Variants in ZNF831 observed in about 807,000 individuals in gnomAD.
ZNF831 encodes the protein chromosome 20 open reading frame 174.
ZNF831 carries 59 observed loss-of-function variants against 95.8 expected under a neutral mutation model. The observed-to-expected ratio is 0.62, with a 90% CI of 0.50 to 0.77. The LOEUF (loss-of-function observed/expected upper bound fraction) is 0.77, where lower values mean the gene tolerates loss of function less well. Ranked by LOEUF, ZNF831 falls within the 30% of genes least tolerant of loss-of-function variation. ZNF831 has a pLI of 0.00. For missense variants in ZNF831, 2,205 were observed against 2,164.0 expected, an observed-to-expected ratio of 1.02 and a Z score of -0.38; for synonymous variants, 961 against 925.5, an observed-to-expected ratio of 1.04 and a Z score of -0.70.
At chr20:59,150,622 A>G (rs1980174915) in intron 2 of ZNF831, among the ~76,000 whole-genome samples, 1 of 152,182 alleles carries the variant, frequency 6.6e-6, no homozygotes, top group Non-Finnish European at 1.5e-5. Context: ...CGTTGAGGCA[A>G]ACTTCTCCAT....
chr20:59,168,275 T>C (rs1981443027), intron 1 of ZNF831, among the ~76,000 whole-genome samples: 1 of 152,226 alleles, frequency 6.6e-6, no homozygotes, highest in Non-Finnish European at 1.5e-5. Flanking sequence ...TCATCAGTGT[T>C]TTGTAGTTTT....
intron 1 of ZNF831, among the ~76,000 whole-genome samples, chr20:59,167,627 A>G (rs893855580): frequency 2.0e-5 from 3 of 151,948 alleles, no homozygotes; most frequent in Non-Finnish European, 4.4e-5. Context: ...GTTAATTTCT[A>G]TATAAGTAAG....
rs1979984093 is a variant in ZNF831, at chr20:59,148,220, T to C, written c.-1281+1846T>C. 2.0e-5 allele frequency among the ~76,000 whole-genome samples: 3 copies of C among 152,030 alleles called. No homozygotes were observed. The South Asian group carries it at 6.2e-4, about 31-fold the overall frequency. ...CCATCCAAGACAGGGACACGGACAA[T>C]CTCATCAGAGTAGGCTGGGAGGGTT... On this transcript the variant is annotated intron_variant, in intron 2 of 7. Transcript: ENST00000637017.
At chr20:59,185,635 C>T (rs919998408) in intron 1 of ZNF831, among the ~76,000 whole-genome samples, 2 of 152,166 alleles carry the variant, frequency 1.3e-5, no homozygotes, top group African/African-American at 4.8e-5. Context: ...GCAGCGAGAG[C>T]TCTGCGTGTG....
At chr20:59,154,032 A>T (rs1980395417) in intron 2 of ZNF831, among the ~76,000 whole-genome samples, 1 of 152,130 alleles carries the variant, frequency 6.6e-6, no homozygotes, top group African/African-American at 2.4e-5. Flanking sequence ...TTCACAGAGG[A>T]TGCTAGAAAG....
chr20:59,195,996 A>G lies in ZNF831; in HGVS notation c.3866A>G (p.Asn1289Ser). The change falls in exon 3 of 6, where the codon AAC (asparagine) becomes AGC (serine). Residue 1289 changes from asparagine (N) to serine (S), a missense_variant. Coordinates refer to ENST00000371030, the MANE Select transcript of ZNF831 (RefSeq NM_178457.3). The stretch of plus-strand genomic sequence containing the variant: ...AGCAAGCAGAGAAAACTGAAGATCA[A>G]CCCTAAAAGGTAGGATGAGTGGCCA... ...GNSKQRKLKI[N>S]PKRYKGNFLQ... The G allele has an allele frequency of 5.0e-6, 8 of 1,613,880 alleles. No individual in the cohort carries two copies. Among genetic ancestry groups the G allele is most frequent in the East Asian group, 2.2e-5 (1 of 44,876 alleles).
intron 4 of ZNF831, among the ~76,000 whole-genome samples, chr20:59,211,607 G>A (rs953234878): frequency 6.6e-6 from 1 of 152,216 alleles, no homozygotes; most frequent in Non-Finnish European, 1.5e-5. Flanking sequence ...ACAGTAGAGT[G>A]ACAGGCACTC....
chr20:59,213,880 G>A (rs981606986), intron 4 of ZNF831, among the ~76,000 whole-genome samples: 3 of 152,258 alleles, frequency 2.0e-5, no homozygotes, highest in African/African-American at 4.8e-5. Flanking sequence ...ACCGAACTGC[G>A]AATGTCCTTT....
chr20:59,176,397 T>G (rs989917694), intron 1 of ZNF831, among the ~76,000 whole-genome samples: 1 of 152,172 alleles, frequency 6.6e-6, no homozygotes, highest in African/African-American at 2.4e-5. Flanking sequence ...GTTACACGAC[T>G]GTATTTACTT....
chr20:59,170,124 A>T lies in ZNF831; in HGVS notation c.-37+5917A>T, dbSNP rs367919336. Reference sequence around the variant, plus strand: ...TCCCTCTTTTTCTTTTTCTTTTTAAACAATTAATAGCAGTTTATTTTAAAA... The same window carrying T: ...TCCCTCTTTTTCTTTTTCTTTTTAATCAATTAATAGCAGTTTATTTTAAAA... On this transcript the variant is annotated intron_variant, in intron 1 of 5. Coordinates refer to ENST00000371030, the MANE Select transcript of ZNF831 (RefSeq NM_178457.3). 2.3e-4 allele frequency among the ~76,000 whole-genome samples: 35 copies of T among 152,166 alleles called. 1 individual carries two copies. In the South Asian group the frequency reaches 7.1e-3, roughly 31 times the overall value.
In ZNF831 at chr20:59,191,875, G is replaced by GCGT; in HGVS notation, c.858_860dup (p.Ser287dup). On this transcript the variant is annotated inframe_insertion, in exon 2 of 6. Coordinates refer to ENST00000371030, the MANE Select transcript of ZNF831 (RefSeq NM_178457.3). ...GGCTCCTTGGGACTCTGCCCCCATGGCGTCACCTGGGCTCCCAGCGGCCAG... is the reference window on the plus strand; with the variant it reads ...GGCTCCTTGGGACTCTGCCCCCATGGCGTCGTCACCTGGGCTCCCAGCGGCCAG... The GCGT allele has an allele frequency of 1.2e-6, 2 of 1,613,018 alleles. No homozygotes were observed. Among genetic ancestry groups the GCGT allele is most frequent in the Non-Finnish European group, 1.7e-6 (2 of 1,179,954 alleles).
intron 4 of ZNF831, among the ~76,000 whole-genome samples, chr20:59,245,136 G>A (rs928177952): frequency 2.6e-5 from 4 of 152,304 alleles, no homozygotes; most frequent in East Asian, 1.9e-4. Flanking sequence ...AGTGGGCGGC[G>A]CATGTGAGTT....
chr20:59,160,625 G>A (rs534035415), upstream of ZNF831: 2 of 152,414 alleles, frequency 1.3e-5, no homozygotes, highest in South Asian at 4.1e-4. Context: ...AGGGCCCAGG[G>A]ACTGAACTGC....
chr20:59,156,271 G>A (rs1047014985), intron 2 of ZNF831, among the ~76,000 whole-genome samples: 2 of 152,134 alleles, frequency 1.3e-5, no homozygotes, highest in African/African-American at 2.4e-5. Flanking sequence ...AATGGCTCCC[G>A]CCTGTAATCC....
chr20:59,127,129 G>A (rs939759904), intron 1 of ZNF831, among the ~76,000 whole-genome samples: 1 of 17,018 alleles, frequency 5.9e-5, no homozygotes, highest in African/African-American at 1.0e-4. Flanking sequence ...CAAAACTCTC[G>A]GAGGATCCTT....
intron 1 of ZNF831, among the ~76,000 whole-genome samples, chr20:59,125,598 T>A (rs1350548102): frequency 6.6e-6 from 1 of 152,164 alleles, no homozygotes; most frequent in Non-Finnish European, 1.5e-5. Context: ...CTGGGTTCAA[T>A]TTTTTCTCGA....
Position 59,192,488 on chromosome 20 carries a change from C to T in ZNF831, c.1469C>T (p.Thr490Ile). Residue 490 changes from threonine (T) to isoleucine (I), a missense_variant, in exon 2 of 6, where the codon ACT (threonine) becomes ATT (isoleucine). Coordinates refer to ENST00000371030, the MANE Select transcript of ZNF831 (RefSeq NM_178457.3). This position sits in a 1 kb window ranked among gnomAD's most constrained non-coding sequence, Gnocchi z 5.2. ...CCCCTCTTCTTCCACTCCGTCCCCA[C>T]TCAGCTCTCCACCACCGTGGAATGT... Reference protein sequence around the residue: ...SRPLFFHSVPTQLSTTVECVP... With the variant: ...SRPLFFHSVPIQLSTTVECVP... 6.3e-7 allele frequency: 1 copy of T among 1,575,216 alleles called. No homozygotes were observed. Among genetic ancestry groups the T allele is most frequent in the Non-Finnish European group, 8.6e-7 (1 of 1,161,662 alleles).
At position 59,233,956 on chromosome 20, in the gene ZNF831, C is replaced by A. The variant is rs550320214; in HGVS notation, c.4028-19022C>A. ...TCGAAAGGAATAGAAGAGAAAACAACCCCGATGGGCCATCCTCTCCTGTCT... is the reference window on the plus strand; with the variant it reads ...TCGAAAGGAATAGAAGAGAAAACAAACCCGATGGGCCATCCTCTCCTGTCT... On this transcript the variant is annotated intron_variant, in intron 4 of 5. Coordinates refer to ENST00000371030, the MANE Select transcript of ZNF831 (RefSeq NM_178457.3). 1.2e-3 allele frequency among the ~76,000 whole-genome samples: 176 copies of A among 152,330 alleles called. 1 individual carries two copies. The highest frequency in any genetic ancestry group is 1.8e-3 in the Non-Finnish European group (124 of 68,034).
intron 1 of ZNF831, among the ~76,000 whole-genome samples, chr20:59,142,142 A>T (rs984486371): frequency 1.3e-5 from 2 of 149,504 alleles, no homozygotes; most frequent in South Asian, 2.1e-4. Context: ...AACCAATCAG[A>T]TCCTCCCTCA....
Sources: allele counts gnomAD v4.1 joint callset (sites outside exome capture counted in the v4.1 genomes callset), GRCh38; gene constraint gnomAD v4.1.1; non-coding constraint Gnocchi (gnomAD v3.1); transcripts MANE v1.5; gene names NCBI Gene and HGNC (gene_info 2026-07-23, HGNC 2026-07-21).